Variants in VAV2 observed in about 807,000 individuals in gnomAD.
VAV2 encodes guanine nucleotide exchange factor VAV2.
VAV2 carries 67 observed loss-of-function variants against 132.5 expected under a neutral mutation model. That is an observed-to-expected ratio of 0.51 (90% CI 0.42 to 0.62). The LOEUF is 0.62. Among genes scored for constraint, VAV2 ranks in the 20% least tolerant of loss-of-function variants. VAV2 has a pLI of 0.00. For missense variants in VAV2, 938 were observed against 1,153.6 expected (o/e 0.81, Z 2.71); for synonymous variants, 492 against 443.5 (o/e 1.11, Z -1.37).
intron 1 of VAV2, among the ~76,000 whole-genome samples, chr9:133,953,502 G>A (rs1002231389): frequency 1.3e-5 from 2 of 152,066 alleles, no homozygotes; most frequent in African/African-American, 4.8e-5. Flanking sequence ...CCCTGGGCCT[G>A]GCACACTGGG....
Position 133,772,028 on chromosome 9 carries a change from C to T in VAV2, c.2154G>A (p.Lys718=). The T allele has an allele frequency of 7.2e-6, 10 of 1,385,274 alleles. No individual in the cohort carries two copies. The highest frequency in any genetic ancestry group is 9.8e-6 in the Non-Finnish European group (10 of 1,021,276). 85.8% of individuals were successfully genotyped at this position (1,385,274 alleles called of 1,614,324 possible). Residue 718 remains lysine, a synonymous_variant, in exon 26 of 30, where the codon AAG becomes AAA. Coordinates refer to ENST00000371850, the MANE Select transcript of VAV2 (RefSeq NM_001134398.2). ...TGTCCTTCTCCACCACCTTGATGTG[C>T]TTCACCTCATCATTGAACCTGAGCA... ...AISIKFNDEV[K]HIKVVEKDNW... is the part of the protein sequence containing the mutation.
intron 2 of VAV2, among the ~76,000 whole-genome samples, chr9:133,917,028 C>T (rs1840116686): frequency 6.6e-6 from 1 of 152,222 alleles, no homozygotes; most frequent in African/African-American, 2.4e-5. Context: ...GCCACTCTCA[C>T]GGGGTCCTGT....
At chr9:133,939,061 A>G (rs1445167704) in intron 2 of VAV2, 42 bp downstream of exon 2, 4 of 1,586,302 alleles carry the variant, frequency 2.5e-6, no homozygotes, top group Non-Finnish European at 2.6e-6. Flanking sequence ...CAAATCGGCC[A>G]CCACAGCTGA....
rs73559888 is a variant in VAV2 at position 133,875,136 on chromosome 9, T to C, written c.322-13704A>G. Among the ~76,000 whole-genome samples the C allele has an allele frequency of 3.5e-3, 530 of 152,252 alleles. 1 individual carries two copies. The highest frequency in any genetic ancestry group is 0.012 in the African/African-American group (489 of 41,562). ...ACGGGATCACCTGCGTTTCTTTCAC[T>C]GCCCCCAAGCTCTGAACTCTCACCA... On this transcript the variant is annotated intron_variant, in intron 2 of 29. Transcript: ENST00000371850.
intron 17 of VAV2, among the ~76,000 whole-genome samples, chr9:133,785,046 C>T (rs1458946570): frequency 6.6e-6 from 1 of 152,196 alleles, no homozygotes; most frequent in African/African-American, 2.4e-5. Flanking sequence ...CAGGCCTCCC[C>T]CACAGAGCCT....
intron 1 of VAV2, among the ~76,000 whole-genome samples, chr9:133,974,652 T>C (rs1842447866): frequency 2.0e-5 from 3 of 152,096 alleles, no homozygotes; most frequent in Admixed American, 2.0e-4. Context: ...AAGCTGGACT[T>C]GGAAACAGCT....
In VAV2 at chr9:133,810,130, T is replaced by C. The variant is rs868450545; in HGVS notation, c.567+61A>G. On this transcript the variant is annotated intron_variant, in intron 6 of 29. Transcript: ENST00000371850. ...TTCTCAGAGAGGTCTGAGACCTCCC[T>C]GAAAGGTCAAGAAGACGGCGCAGGC... The C allele has an allele frequency of 1.7e-5, 27 of 1,609,984 alleles. 1 individual carries two copies. The Middle Eastern group carries it at 2.8e-3, about 167-fold the overall frequency.
chr9:133,780,750 C>T (rs374293982), intron 19 of VAV2, 40 bp from the exon 20 acceptor site: 20 of 1,262,064 alleles, frequency 1.6e-5, no homozygotes, highest in African/African-American at 6.2e-5. Context: ...GGGAGGCCAC[C>T]GACGCCAAGG....
At chr9:133,859,307 G>A (rs1001071386) in intron 3 of VAV2, among the ~76,000 whole-genome samples, 6 of 152,218 alleles carry the variant, frequency 3.9e-5, no homozygotes, top group African/African-American at 7.2e-5. Context: ...TCAGCCTCAG[G>A]AGGGCAGCGG....
At position 133,851,664 on chromosome 9, in the gene VAV2, G is replaced by GTGGATGGATGGA. The variant is rs144389638; in HGVS notation, c.380+9698_380+9709dup. 9.2e-3 allele frequency among the ~76,000 whole-genome samples: 1,391 copies of GTGGATGGATGGA among 151,142 alleles called. 32 individuals carry two copies. The highest frequency in any genetic ancestry group is 0.051 in the Admixed American group (778 of 15,206). On this transcript the variant is annotated intron_variant, in intron 3 of 29. Coordinates refer to ENST00000371850, the MANE Select transcript of VAV2 (RefSeq NM_001134398.2). ...AGGGCAGAGCGAAATGGACAGAAGG[G>GTGGATGGATGGA]TGGATGGATGGATGGATGGATGGAT...
intron 3 of VAV2, among the ~76,000 whole-genome samples, chr9:133,848,043 C>T (rs1345248757): frequency 1.3e-5 from 2 of 152,008 alleles, no homozygotes; most frequent in Non-Finnish European, 2.9e-5. Context: ...TTTGGGAGGC[C>T]GAGACGGGCG....
chr9:133,939,225 G>C lies in VAV2; in HGVS notation c.205-6C>G. 1 of 1,613,172 alleles carries C rather than the reference G, an allele frequency of 6.2e-7. No individual in the cohort carries two copies. Among genetic ancestry groups the C allele is most frequent in the Non-Finnish European group, 8.5e-7 (1 of 1,179,186 alleles). ...ATGTTCTTCAAACACAGAAACTAAA[G>C]GGAAAAAACAAAGGGAGGGCAAGGA... is the stretch of plus-strand genomic sequence containing the variant. On this transcript the variant is annotated splice_region_variant and splice_polypyrimidine_tract_variant and intron_variant, in intron 1 of 29. Transcript: ENST00000371850.
intron 2 of VAV2, among the ~76,000 whole-genome samples, chr9:133,865,141 A>G (rs565462950): frequency 6.6e-6 from 1 of 152,328 alleles, no homozygotes; most frequent in African/African-American, 2.4e-5. Context: ...TTACTGCACC[A>G]AGTTTCCAAA....
At chr9:133,942,668 G>A (rs1046731365) in intron 1 of VAV2, among the ~76,000 whole-genome samples, 3 of 152,232 alleles carry the variant, frequency 2.0e-5, no homozygotes, top group Non-Finnish European at 4.4e-5. Flanking sequence ...CATAATCACA[G>A]CCGGCCAGGC....
chr9:133,797,738 C>A lies in VAV2; in HGVS notation c.908G>T (p.Ser303Ile). The change falls in exon 10 of 30, where the codon AGC becomes ATC. Residue 303 changes from serine (S) to isoleucine (I), a missense_variant. Transcript: ENST00000371850. ...AQNTLNQLLA[S>I]REDFRQKVEE... ...GACTTTCTGCCTGAAGTCCTCCCGG[C>A]TGGCCAGGAGCTGGTTCAGTGTGTT... is the stretch of plus-strand genomic sequence containing the variant. 1 of 1,614,094 alleles carries A rather than the reference C, an allele frequency of 6.2e-7. No individual in the cohort carries two copies. Among genetic ancestry groups the A allele is most frequent in the Non-Finnish European group, 8.5e-7 (1 of 1,179,982 alleles).
intron 1 of VAV2, among the ~76,000 whole-genome samples, chr9:133,950,321 A>G (rs1841514092): frequency 6.6e-6 from 1 of 152,094 alleles, no homozygotes; most frequent in African/African-American, 2.4e-5. Flanking sequence ...GGAGGCTCCT[A>G]TTCAACTCTG....
rs151237215 is a variant in VAV2 at position 133,857,349 on chromosome 9, C to T, written c.380+4025G>A. ...TCCCCAACACGTTTGATCCCCCAGC[C>T]GGCACCAGGGCGGGATTCTTAGATT... On this transcript the variant is annotated intron_variant, in intron 3 of 29. Coordinates refer to ENST00000371850, the MANE Select transcript of VAV2 (RefSeq NM_001134398.2). This position sits in a 1 kb window ranked among gnomAD's most constrained non-coding sequence, Gnocchi z 4.0. Among the ~76,000 whole-genome samples the T allele has an allele frequency of 7.8e-3, 1,185 of 152,282 alleles. 10 individuals carry two copies. Among genetic ancestry groups the T allele is most frequent in the Non-Finnish European group, 0.011 (722 of 68,032 alleles).
intron 1 of VAV2, among the ~76,000 whole-genome samples, chr9:133,944,307 G>C (rs1431518523): frequency 6.6e-6 from 1 of 152,200 alleles, no homozygotes; most frequent in Non-Finnish European, 1.5e-5. Context: ...GGACAGGCCT[G>C]CCTCGCCCTC....
At chr9:133,825,445 G>A (rs1835948834) in intron 4 of VAV2, among the ~76,000 whole-genome samples, 1 of 152,102 alleles carries the variant, frequency 6.6e-6, no homozygotes, top group Admixed American at 6.5e-5. Context: ...TCATTTGCTT[G>A]TTTCTCGTGG....
Sources: gnomAD v4.1 joint callset for allele counts (sites outside exome capture counted in the v4.1 genomes callset) on GRCh38, gnomAD v4.1.1 for gene constraint, Gnocchi (gnomAD v3.1) non-coding constraint, MANE v1.5 for transcripts, NCBI Gene and HGNC (gene_info 2026-07-23, HGNC 2026-07-21) for gene names.